R3HDM1: variants seen among roughly 807,000 people sequenced by gnomAD.
R3HDM1 encodes R3H domain-containing protein 1.
Under a neutral mutation model 141.1 loss-of-function variants are expected in R3HDM1, and 46 were observed. That is an observed-to-expected ratio of 0.33 (90% CI 0.26 to 0.42). R3HDM1 has a LOEUF of 0.42. Ranked by LOEUF, R3HDM1 falls within the 10% of genes least tolerant of loss-of-function variation. The pLI, the probability that R3HDM1 is intolerant of heterozygous loss-of-function variation, is 1.00. For missense variants in R3HDM1, 1,184 were observed against 1,368.3 expected (o/e 0.87, Z 2.12); for synonymous variants, 435 against 472.9 (o/e 0.92, Z 1.04).
At chr2:135,690,717 T>C (rs201346285) in intron 21 of R3HDM1, among the ~76,000 whole-genome samples, 4 of 151,416 alleles carry the variant, frequency 2.6e-5, no homozygotes, top group Non-Finnish European at 4.4e-5. Flanking sequence ...AAGAGGTTTT[T>C]TTTGTTTGTT....
chr2:135,616,845 T>G, intron 5 of R3HDM1, 88 bp downstream of exon 5: 1 of 1,203,806 alleles, frequency 8.3e-7, no homozygotes. Flanking sequence ...TTATATTTGT[T>G]TTATTTTGAC....
intron 19 of R3HDM1, among the ~76,000 whole-genome samples, chr2:135,663,716 C>T (rs1372515912): frequency 6.6e-6 from 1 of 152,074 alleles, no homozygotes; most frequent in Non-Finnish European, 1.5e-5. Context: ...GTTAGCTCAT[C>T]ATTAATTTTT....
intron 21 of R3HDM1, among the ~76,000 whole-genome samples, chr2:135,691,683 C>T (rs946552393): frequency 2.6e-5 from 4 of 151,630 alleles, no homozygotes; most frequent in South Asian, 2.1e-4. Context: ...ATTCTAGCTA[C>T]GTGGGAGGCT....
chr2:135,655,677 T>C (rs1396610576), intron 18 of R3HDM1, among the ~76,000 whole-genome samples: 7 of 152,028 alleles, frequency 4.6e-5, no homozygotes, highest in African/African-American at 1.7e-4. Flanking sequence ...CGGCTAATTT[T>C]TTGTATTTTT....
At chr2:135,576,915 T>A in intron 1 of R3HDM1, 1 of 227,508 alleles carries the variant, frequency 4.4e-6, no homozygotes, top group Non-Finnish European at 7.3e-6. Context: ...ATGAAAATGT[T>A]CTAAAATTTA....
intron 5 of R3HDM1, chr2:135,620,330 G>A: frequency 1.1e-6 from 1 of 883,086 alleles, no homozygotes; most frequent in Non-Finnish European, 1.4e-6. Flanking sequence ...CTGTTTTACA[G>A]TTATGAAAAG....
chr2:135,654,295 GCA>G (rs968621633), intron 18 of R3HDM1, among the ~76,000 whole-genome samples: 3 of 151,388 alleles, frequency 2.0e-5, no homozygotes, highest in Non-Finnish European at 3.0e-5. Flanking sequence ...CGTAGCATAG[GCA>G]CACACACACA....
chr2:135,604,425 A>G lies in R3HDM1; in HGVS notation c.-40-381A>G, dbSNP rs114480203. On this transcript the variant is annotated intron_variant, in intron 2 of 26. Coordinates refer to ENST00000683871, the MANE Select transcript of R3HDM1 (RefSeq NM_001378107.1). ...TAAGAATTGCCACAAGTATATGTGC[A>G]TCAAAATCACTCCATATTCTTTTTT... Among the ~76,000 whole-genome samples, 858 of 152,306 alleles carry G rather than the reference A, an allele frequency of 5.6e-3. 7 individuals are homozygous for G. The highest frequency in any genetic ancestry group is 0.02 in the African/African-American group (817 of 41,560).
intron 1 of R3HDM1, chr2:135,584,216 T>C (rs1707384958): frequency 2.0e-6 from 1 of 511,730 alleles, no homozygotes; most frequent in Admixed American, 6.4e-5. Context: ...TAATCCCAGC[T>C]ACTCGGGAGG....
At chr2:135,683,864 A>G (rs919919216) in intron 21 of R3HDM1, among the ~76,000 whole-genome samples, 3 of 152,076 alleles carry the variant, frequency 2.0e-5, no homozygotes, top group Admixed American at 6.6e-5. Flanking sequence ...ATATTTCAGT[A>G]TATTTACATG....
intron 7 of R3HDM1, among the ~76,000 whole-genome samples, chr2:135,631,263 T>G (rs994408497): frequency 2.0e-5 from 3 of 152,178 alleles, no homozygotes; most frequent in Admixed American, 2.0e-4. Flanking sequence ...AAGATGTCTG[T>G]TCTTCTGCTT....
chr2:135,717,496 G>A (rs899199314), intron 24 of R3HDM1, among the ~76,000 whole-genome samples: 1 of 148,680 alleles, frequency 6.7e-6, no homozygotes, highest in African/African-American at 2.6e-5. Context: ...AAAAAAAAAA[G>A]AAGAATGTTC....
intron 21 of R3HDM1, 31 bp downstream of exon 21, chr2:135,680,355 G>A: frequency 6.2e-7 from 1 of 1,608,004 alleles, no homozygotes; most frequent in Non-Finnish European, 8.5e-7. Context: ...TAATCTTCCA[G>A]CTTCTCATTG....
intron 1 of R3HDM1, among the ~76,000 whole-genome samples, chr2:135,572,280 A>G (rs1178594767): frequency 6.6e-6 from 1 of 152,242 alleles, no homozygotes; most frequent in Non-Finnish European, 1.5e-5. Flanking sequence ...TTAAAAAATG[A>G]TAAAGGACGT....
chr2:135,639,544 G>A (rs1227548255), intron 14 of R3HDM1, among the ~76,000 whole-genome samples: 1 of 151,976 alleles, frequency 6.6e-6, no homozygotes. Flanking sequence ...TTATGATAAA[G>A]TCCTTCATTT....
At chr2:135,574,870 A>G (rs1705020101) in intron 1 of R3HDM1, among the ~76,000 whole-genome samples, 1 of 152,204 alleles carries the variant, frequency 6.6e-6, no homozygotes, top group African/African-American at 2.4e-5. Flanking sequence ...CTTATATATA[A>G]TGGGAAATAC....
chr2:135,590,826 C>A, intron 1 of R3HDM1: 1 of 709,948 alleles, frequency 1.4e-6, no homozygotes, highest in Non-Finnish European at 1.7e-6. Flanking sequence ...ACCTGTTCTG[C>A]CTCAAGCTGT....
chr2:135,546,229 CT>C (rs1427674217), intron 1 of R3HDM1, among the ~76,000 whole-genome samples: 1 of 151,940 alleles, frequency 6.6e-6, no homozygotes, highest in African/African-American at 2.4e-5. Context: ...CTTTTTTGTT[CT>C]TTTTTTGGAT....
At chr2:135,604,045 T>C (rs980174079) in intron 2 of R3HDM1, among the ~76,000 whole-genome samples, 1 of 152,254 alleles carries the variant, frequency 6.6e-6, no homozygotes, top group South Asian at 2.1e-4. Context: ...TGGAATCTTA[T>C]GTATTTGATT....
Sources: gnomAD v4.1 joint callset for allele counts (sites outside exome capture counted in the v4.1 genomes callset) on GRCh38, gnomAD v4.1.1 for gene constraint, MANE v1.5 for transcripts, NCBI Gene and HGNC (gene_info 2026-07-23, HGNC 2026-07-21) for gene names.